GRIPAP1: variants seen among roughly 807,000 people sequenced by gnomAD.
The protein encoded by GRIPAP1 is GRIP1-associated protein 1.
GRIPAP1 carries 14 observed loss-of-function variants against 84.1 expected under a neutral mutation model. The ratio of observed to expected loss-of-function variants is 0.17; its 90% CI spans 0.11 to 0.26. The LOEUF is 0.26. Among genes scored for constraint, GRIPAP1 ranks in the 10% least tolerant of loss-of-function variants. The probability of loss-of-function intolerance (pLI) is 1.00; values close to 1 mark genes in which losing one functional copy is unlikely to be tolerated. For missense variants in GRIPAP1, 518 were observed against 674.2 expected (o/e 0.77, Z 2.57); for synonymous variants, 261 against 256.8 (o/e 1.02, Z -0.15).
intron 5 of GRIPAP1, among the ~76,000 whole-genome samples, chrX:48,994,226 T>C (rs1419686145): frequency 6.0e-5 from 6 of 100,054 alleles, no homozygotes; most frequent in African/African-American, 1.1e-4. Flanking sequence ...TTTCTTTTTT[T>C]TTTTTTTTTT....
intron 21 of GRIPAP1, chrX:48,980,885 A>G (rs78899852): frequency 0.01 from 269 of 26,415 alleles, 2 homozygotes; most frequent in African/African-American, 0.044. Context: ...CTCTGTCTCA[A>G]AAAAAAAAAA....
chrX:48,975,782 A>C (rs2064418845), intron 24 of GRIPAP1: 2 of 407,753 alleles, frequency 4.9e-6, no homozygotes, highest in Non-Finnish European at 8.5e-6. Context: ...GAAAGGAGAA[A>C]GTGGACAGAG....
chrX:48,974,899 G>C (rs2147728959), intron 25 of GRIPAP1, among the ~76,000 whole-genome samples: 1 of 111,714 alleles, frequency 9.0e-6, no homozygotes, highest in South Asian at 3.7e-4. Flanking sequence ...TTGGGTAGAT[G>C]GACAGATGGG....
At position 48,998,090 on chromosome X, in the gene GRIPAP1, A is replaced by T. The variant is rs375047455; in HGVS notation, c.198+64T>A. 2.1e-4 allele frequency: 173 copies of T among 812,426 alleles called. No individual in the cohort carries two copies. The African/African-American group carries it at 3.0e-3, about 14-fold the overall frequency. 67.0% of individuals were successfully genotyped at this position (812,426 alleles called of 1,213,427 possible). On this transcript the variant is annotated intron_variant, in intron 4 of 25. Coordinates refer to ENST00000376423, the MANE Select transcript of GRIPAP1 (RefSeq NM_020137.5). ...AGAAAGGCCAGTACAAGGAAATATC[A>T]GCATACAGAAATAGCCCACCAAGAC... is the stretch of plus-strand genomic sequence containing the variant.
At position 48,999,244 on chromosome X, in the gene GRIPAP1, A is replaced by G; in HGVS notation, c.165T>C (p.Ala55=). 8.3e-7 allele frequency: 1 copy of G among 1,203,595 alleles called. No individual in the cohort carries two copies. The highest frequency in any genetic ancestry group is 1.1e-6 in the Non-Finnish European group (1 of 888,497). The change falls in exon 3 of 26, where the codon GCT becomes GCC. Residue 55 remains alanine, a synonymous_variant. Coordinates refer to ENST00000376423, the MANE Select transcript of GRIPAP1 (RefSeq NM_020137.5). ...VAYLDKEFSK[A]QKALSKSKKA... Reference sequence around the variant, plus strand: ...GGTGGGTGGAGGGAGGTACCTTCTGAGCTTTGCTGAACTCCTTATCCAAGT... The same window carrying G: ...GGTGGGTGGAGGGAGGTACCTTCTGGGCTTTGCTGAACTCCTTATCCAAGT...
rs782679981 is a variant in GRIPAP1, at chrX:48,980,871, G to A, written c.1930+344C>T. On this transcript the variant is annotated intron_variant, in intron 21 of 25. Coordinates refer to ENST00000376423, the MANE Select transcript of GRIPAP1 (RefSeq NM_020137.5). The stretch of plus-strand genomic sequence containing the variant: ...GCACTCCAGCCTGGGCAACAAGAGC[G>A]AAACTCTGTCTCAAAAAAAAAAAAA... The A allele has an allele frequency of 2.4e-4, 45 of 189,651 alleles. No homozygotes were observed. The South Asian group carries it at 2.9e-3, about 12-fold the overall frequency. The allele number at this position is 189,651 out of a possible 1,213,427, so 15.6% of individuals were successfully genotyped here. A position where few individuals can be genotyped will look rare whatever the true frequency, so the allele number is the denominator to read the frequency against.
intron 14 of GRIPAP1, among the ~76,000 whole-genome samples, chrX:48,984,849 C>T (rs1035860149): frequency 9.4e-6 from 1 of 106,683 alleles, no homozygotes; most frequent in Non-Finnish European, 1.9e-5. Flanking sequence ...GGTGAAACCC[C>T]GTCTCTACTA....
At chrX:48,990,643 A>T (rs72619036) in intron 8 of GRIPAP1, 42 bp downstream of exon 8, 4 of 1,109,506 alleles carry the variant, frequency 3.6e-6, no homozygotes, top group African/African-American at 1.8e-5. Context: ...GAAAGAATCC[A>T]GCAGATTGGG....
chrX:48,999,322 A>G (rs1318060286), intron 2 of GRIPAP1, 23 bp from the exon 3 acceptor site: 1 of 1,184,592 alleles, frequency 8.4e-7, no homozygotes, highest in Non-Finnish European at 1.1e-6. Context: ...AAGCAGGGAA[A>G]CTCAGCCTCA....
intron 24 of GRIPAP1, chrX:48,975,529 G>A: frequency 2.5e-6 from 1 of 395,038 alleles, no homozygotes. Context: ...CTGGAAAGAT[G>A]CACATGACTG....
intron 13 of GRIPAP1, among the ~76,000 whole-genome samples, chrX:48,987,301 G>A (rs1404172704): frequency 1.9e-5 from 2 of 104,027 alleles, no homozygotes; most frequent in East Asian, 3.0e-4. Flanking sequence ...GGCACACACC[G>A]CCACACCCAG....
chrX:48,981,382 G>A (rs1379697640), intron 20 of GRIPAP1, 34 bp downstream of exon 20: 22 of 1,203,119 alleles, frequency 1.8e-5, no homozygotes, highest in Non-Finnish European at 2.5e-5. Context: ...CTACAGGTAG[G>A]AGGGAGCCGT....
intron 25 of GRIPAP1, 128 bp downstream of exon 25, chrX:48,975,027 G>A: frequency 1.9e-6 from 1 of 514,452 alleles, no homozygotes; most frequent in Non-Finnish European, 3.2e-6. Context: ...TGATGAGTGG[G>A]TAGGAGGATA....
chrX:48,990,670 G>A lies in GRIPAP1; in HGVS notation c.690+15C>T. 8.4e-7 allele frequency: 1 copy of A among 1,187,085 alleles called. No homozygotes were observed. The highest frequency in any genetic ancestry group is 1.1e-6 in the Non-Finnish European group (1 of 877,234). On this transcript the variant is annotated intron_variant, in intron 8 of 25. Transcript: ENST00000376423. Reference sequence around the variant, plus strand: ...CAGATTGGGAGCAGAATGGGAAAGAGCCAAGCAGCCGCACCTTAGCAAGTT... The same window carrying A: ...CAGATTGGGAGCAGAATGGGAAAGAACCAAGCAGCCGCACCTTAGCAAGTT...
In GRIPAP1 at chrX:48,981,481, G is replaced by A. The variant is rs1557062147; in HGVS notation, c.1774-9C>T. ...ACTGTGTCCTTCACCTCCTGTGGGA[G>A]AAAGCAGGCATGGCTGGTAGATGCC... On this transcript the variant is annotated splice_polypyrimidine_tract_variant and intron_variant, in intron 19 of 25. Transcript: ENST00000376423. The A allele has an allele frequency of 8.3e-7, 1 of 1,208,362 alleles. No homozygotes were observed. The highest frequency in any genetic ancestry group is 1.1e-6 in the Non-Finnish European group (1 of 893,170).
chrX:48,987,122 A>G (rs2064493288), intron 13 of GRIPAP1, among the ~76,000 whole-genome samples: 1 of 100,753 alleles, frequency 9.9e-6, no homozygotes, highest in Non-Finnish European at 2.0e-5. Context: ...TGCTAGGATT[A>G]CAGAATTGAG....
Position 49,002,167 on chromosome X carries a change from CT to C in GRIPAP1, c.42+20del. 1 of 1,139,040 alleles carries C rather than the reference CT, an allele frequency of 8.8e-7. No homozygotes were observed. Among genetic ancestry groups the C allele is most frequent in the Non-Finnish European group, 1.2e-6 (1 of 834,978 alleles). 93.9% of individuals were successfully genotyped at this position (1,139,040 alleles called of 1,213,427 possible). The stretch of plus-strand genomic sequence containing the variant: ...GCCCCCGGTCGCCTAGCCGGGTGGT[CT>C]TTCCCACCGCGAGCGGCACCTGCAT... On this transcript the variant is annotated intron_variant, in intron 1 of 25. Transcript: ENST00000376423.
intron 3 of GRIPAP1, chrX:48,998,831 A>G: frequency 5.6e-6 from 1 of 177,453 alleles, no homozygotes; most frequent in Non-Finnish European, 1.1e-5. Flanking sequence ...ATCCTATCTC[A>G]TCTTTAGAGG....
intron 5 of GRIPAP1, among the ~76,000 whole-genome samples, chrX:48,996,897 G>A (rs1602479030): frequency 9.0e-6 from 1 of 111,157 alleles, no homozygotes; most frequent in South Asian, 3.8e-4. Flanking sequence ...GAAGAAGCTC[G>A]AACACTTTTC....
Sources: gnomAD v4.1 joint callset for allele counts (sites outside exome capture counted in the v4.1 genomes callset) on GRCh38, gnomAD v4.1.1 for gene constraint, MANE v1.5 for transcripts, NCBI Gene and HGNC (gene_info 2026-07-23, HGNC 2026-07-21) for gene names.